The following DAPP1 variants were observed in gnomAD, a reference collection of about 807,000 sequenced individuals.
The protein encoded by DAPP1 is dual adaptor of phosphotyrosine and 3-phosphoinositides 1.
A neutral mutation model predicts 41.5 loss-of-function variants in DAPP1; 20 were observed. The observed-to-expected ratio is 0.48, with a 90% confidence interval of 0.34 to 0.70. The LOEUF (loss-of-function observed/expected upper bound fraction) is 0.70, where lower values mean the gene tolerates loss of function less well. Ranked by LOEUF, DAPP1 falls within the 30% of genes least tolerant of loss-of-function variation. The pLI is 0.01. For missense variants in DAPP1, 233 were observed against 333.4 expected (o/e 0.70, Z 2.35); for synonymous variants, 113 against 116.2 (o/e 0.97, Z 0.18).
In DAPP1 at chr4:99,835,720, A is replaced by G; in HGVS notation, c.199A>G (p.Thr67Ala). 1 of 1,613,756 alleles carries G rather than the reference A, an allele frequency of 6.2e-7. No individual in the cohort carries two copies. The change falls in exon 2 of 9, where the codon ACC (threonine) becomes GCC (alanine). Residue 67 changes from threonine (T) to alanine (A), a missense_variant. Coordinates refer to ENST00000512369, the MANE Select transcript of DAPP1 (RefSeq NM_014395.3). ...CCTTCTGAGGGACAGCAATGAGACC[A>G]CCGGGCTGTACTCTCTCTCTGTGAG... ...SYLLRDSNETTGLYSLSVRAK... is the reference protein window; with the variant it reads ...SYLLRDSNETAGLYSLSVRAK...
intron 4 of DAPP1, among the ~76,000 whole-genome samples, chr4:99,856,730 G>A (rs1435749179): frequency 6.6e-6 from 1 of 152,192 alleles, no homozygotes; most frequent in Non-Finnish European, 1.5e-5. Flanking sequence ...GATGACACAA[G>A]ACTTCTGGGT....
chr4:99,837,214 T>C (rs1723332395), intron 2 of DAPP1, among the ~76,000 whole-genome samples: 1 of 152,236 alleles, frequency 6.6e-6, no homozygotes, highest in African/African-American at 2.4e-5. Context: ...TCAACTGACT[T>C]GGGACTTTAT....
At chr4:99,844,669 A>C (rs1268568385) in intron 3 of DAPP1, 1 of 152,234 alleles carries the variant, frequency 6.6e-6, no homozygotes, top group Non-Finnish European at 1.5e-5. Flanking sequence ...CCTAACAGGC[A>C]TGAAAAAATA....
Position 99,817,020 on chromosome 4 carries a change from G to A in DAPP1, c.101+6G>A, listed in dbSNP as rs770518296. 1 of 1,589,444 alleles carries A rather than the reference G, an allele frequency of 6.3e-7. No individual in the cohort carries two copies. Among genetic ancestry groups the A allele is most frequent in the South Asian group, 1.1e-5 (1 of 87,132 alleles). ...GAGCTGCTCCAGGACTTGGGGTAAG[G>A]CAGCAGATCTCCTTTCAAAGTACCT... On this transcript the variant is annotated splice_donor_region_variant and intron_variant, in intron 1 of 8. Coordinates refer to ENST00000512369, the MANE Select transcript of DAPP1 (RefSeq NM_014395.3).
chr4:99,864,788 C>G (rs1188587402), intron 7 of DAPP1: 4 of 152,056 alleles, frequency 2.6e-5, no homozygotes, highest in Non-Finnish European at 4.4e-5. Context: ...ATATTTTCAA[C>G]AAAGTACAAA....
At chr4:99,837,052 T>C (rs1191615604) in intron 2 of DAPP1, among the ~76,000 whole-genome samples, 1 of 152,240 alleles carries the variant, frequency 6.6e-6, no homozygotes. Context: ...ATGGCACCCA[T>C]GGCTGTTTAC....
chr4:99,861,985 G>A (rs970627377), intron 5 of DAPP1, among the ~76,000 whole-genome samples: 1 of 152,102 alleles, frequency 6.6e-6, no homozygotes, highest in Non-Finnish European at 1.5e-5. Flanking sequence ...GTTTCTTTAA[G>A]GATAGGCCAA....
chr4:99,859,160 C>A (rs1300020532), intron 4 of DAPP1, among the ~76,000 whole-genome samples: 3 of 152,142 alleles, frequency 2.0e-5, no homozygotes, highest in Admixed American at 2.0e-4. Context: ...AAGCAATGCT[C>A]ATGCTTCAGC....
At chr4:99,835,223 G>A (rs553608780) in intron 1 of DAPP1, among the ~76,000 whole-genome samples, 2 of 152,110 alleles carry the variant, frequency 1.3e-5, no homozygotes, top group East Asian at 1.9e-4. Flanking sequence ...TGGCCGGGCC[G>A]GTCTCGAACC....
chr4:99,872,086 G>A (rs149903279), downstream of DAPP1, among the ~76,000 whole-genome samples: 228 of 152,326 alleles, frequency 1.5e-3, 1 homozygote, highest in African/African-American at 5.2e-3. Flanking sequence ...GAGTACATGT[G>A]AAGAAGGGTC....
intron 3 of DAPP1, among the ~76,000 whole-genome samples, chr4:99,848,437 G>A (rs1024839812): frequency 2.0e-5 from 3 of 151,428 alleles, no homozygotes; most frequent in Non-Finnish European, 2.9e-5. Context: ...CACCGTGTTA[G>A]CCAGGATGGT....
In DAPP1 at chr4:99,868,603, T is replaced by G. The variant is rs182396867; in HGVS notation, c.*418T>G. On this transcript the variant is annotated 3_prime_UTR_variant, in exon 9 of 9. Transcript: ENST00000512369. ...ATTAACCAAGAAGGAAACAGATACTTGGAGGCTTAGATGACTTCTGCAGGA... is the reference window on the plus strand; with the variant it reads ...ATTAACCAAGAAGGAAACAGATACTGGGAGGCTTAGATGACTTCTGCAGGA... 399 of 156,496 alleles carry G rather than the reference T, an allele frequency of 2.5e-3. No homozygotes were observed. Among genetic ancestry groups the G allele is most frequent in the Non-Finnish European group, 4.7e-3 (330 of 70,938 alleles). 9.7% of individuals were successfully genotyped at this position (156,496 alleles called of 1,614,324 possible). A position where few individuals can be genotyped will look rare whatever the true frequency, so the allele number is the denominator to read the frequency against.
intron 1 of DAPP1, among the ~76,000 whole-genome samples, chr4:99,832,081 C>G (rs1368772076): frequency 6.6e-6 from 1 of 151,730 alleles, no homozygotes; most frequent in Non-Finnish European, 1.5e-5. Flanking sequence ...ACTTTATTCT[C>G]TCTTGGATAT....
intron 7 of DAPP1, chr4:99,865,776 C>T (rs796832300): frequency 6.6e-6 from 1 of 150,888 alleles, no homozygotes; most frequent in African/African-American, 2.4e-5. Flanking sequence ...GAATCTACAA[C>T]TTCCTTAACA....
At chr4:99,831,602 T>C (rs1032015583) in intron 1 of DAPP1, among the ~76,000 whole-genome samples, 3 of 152,214 alleles carry the variant, frequency 2.0e-5, no homozygotes, top group Non-Finnish European at 4.4e-5. Flanking sequence ...TATTTTCTTC[T>C]GCTCATGTAT....
intron 1 of DAPP1, among the ~76,000 whole-genome samples, chr4:99,832,919 C>A (rs1723174466): frequency 1.3e-5 from 2 of 151,918 alleles, no homozygotes; most frequent in Non-Finnish European, 1.5e-5. Context: ...AAGAAGAATT[C>A]TATAAATGCT....
At chr4:99,831,186 C>T (rs925425694) in intron 1 of DAPP1, among the ~76,000 whole-genome samples, 1 of 152,166 alleles carries the variant, frequency 6.6e-6, no homozygotes, top group Non-Finnish European at 1.5e-5. Flanking sequence ...CAAGTGGTAA[C>T]ATTTGGTGCC....
At chr4:99,835,487 G>A in intron 1 of DAPP1, 136 bp from the exon 2 acceptor site, 1 of 1,274,882 alleles carries the variant, frequency 7.8e-7, no homozygotes, top group Non-Finnish European at 1.1e-6. Flanking sequence ...TTGTCCTAAT[G>A]TTGGGGCTGA....
intron 1 of DAPP1, among the ~76,000 whole-genome samples, 197 bp downstream of exon 1, chr4:99,817,211 G>A (rs752088436): frequency 7.2e-5 from 11 of 152,124 alleles, no homozygotes; most frequent in Non-Finnish European, 1.6e-4. Context: ...GGAAAAGCAG[G>A]CATTATTTTT....
Sources: gnomAD v4.1 joint callset for allele counts (sites outside exome capture counted in the v4.1 genomes callset) on GRCh38, gnomAD v4.1.1 for gene constraint, MANE v1.5 for transcripts, NCBI Gene and HGNC (gene_info 2026-07-23, HGNC 2026-07-21) for gene names.